The following AGBL4 variants were observed in gnomAD, a reference collection of about 807,000 sequenced individuals.
The protein encoded by AGBL4 is AGBL carboxypeptidase 4.
In AGBL4, 58 loss-of-function variants were observed where a neutral mutation model predicts 66.4. The ratio of observed to expected loss-of-function variants is 0.87; its 90% CI spans 0.71 to 1.09. AGBL4 has a LOEUF of 1.09. Among genes scored for constraint, AGBL4 ranks in the 50% least tolerant of loss-of-function variants. The probability of loss-of-function intolerance (pLI) is 0.00; values close to 1 mark genes in which losing one functional copy is unlikely to be tolerated. For synonymous variants in AGBL4, 234 were observed against 222.9 expected (o/e 1.05, Z -0.44); for missense variants, 579 against 631.0 (o/e 0.92, Z 0.88).
intron 4 of AGBL4, among the ~76,000 whole-genome samples, chr1:49,214,769 G>GA (rs1454549657): frequency 6.6e-6 from 1 of 152,044 alleles, no homozygotes; most frequent in Admixed American, 6.6e-5. Flanking sequence ...CTCCTGTTTA[G>GA]AAAAAAGATT....
At chr1:49,746,757 T>TA (rs1252301891) in intron 2 of AGBL4, among the ~76,000 whole-genome samples, 19 of 152,110 alleles carry the variant, frequency 1.2e-4, no homozygotes, top group Non-Finnish European at 2.1e-4. Context: ...TCCTTTGGAC[T>TA]AGAAACATAC....
intron 3 of AGBL4, among the ~76,000 whole-genome samples, chr1:49,331,713 T>C (rs911671955): frequency 6.6e-6 from 1 of 151,880 alleles, no homozygotes; most frequent in Non-Finnish European, 1.5e-5. Context: ...TTTGGATGAC[T>C]CAACCAGACT....
At chr1:48,659,487 C>T (rs1646072924) in intron 7 of AGBL4, among the ~76,000 whole-genome samples, 1 of 152,140 alleles carries the variant, frequency 6.6e-6, no homozygotes, top group South Asian at 2.1e-4. Flanking sequence ...CTGGAGAGGA[C>T]AAAGTACTCT....
At chr1:49,761,209 A>G (rs886947565) in intron 2 of AGBL4, among the ~76,000 whole-genome samples, 2 of 152,018 alleles carry the variant, frequency 1.3e-5, no homozygotes, top group East Asian at 3.9e-4. Flanking sequence ...TAAAAAATGT[A>G]TGAACAAAAG....
intron 1 of AGBL4, among the ~76,000 whole-genome samples, chr1:50,019,306 T>TCTCTCACACACACACACACACA (rs1167835143): frequency 4.1e-5 from 2 of 48,432 alleles, no homozygotes; most frequent in Non-Finnish European, 7.4e-5. Flanking sequence ...TCTCTCTCTC[T>TCTCTCACACACACACACACACA]CACACACACA....
At chr1:49,479,914 A>G (rs1646921631) in intron 3 of AGBL4, among the ~76,000 whole-genome samples, 2 of 151,546 alleles carry the variant, frequency 1.3e-5, no homozygotes, top group Admixed American at 1.3e-4. Context: ...TCACTGTGTT[A>G]GCCAGGATGG....
At chr1:48,655,607 T>A (rs1244404273) in intron 7 of AGBL4, among the ~76,000 whole-genome samples, 3 of 152,208 alleles carry the variant, frequency 2.0e-5, no homozygotes, top group Non-Finnish European at 4.4e-5. Flanking sequence ...AGAGATCCTG[T>A]GTTAGCTGCC....
At chr1:48,538,871 G>C (rs1255380554) in intron 12 of AGBL4, among the ~76,000 whole-genome samples, 2 of 152,194 alleles carry the variant, frequency 1.3e-5, no homozygotes, top group Non-Finnish European at 2.9e-5. Context: ...GTTGGGCATT[G>C]TCATGTCCTT....
chr1:49,774,941 C>A (rs550667642), intron 2 of AGBL4, among the ~76,000 whole-genome samples: 5 of 152,074 alleles, frequency 3.3e-5, no homozygotes, highest in South Asian at 2.1e-4. Context: ...ATTTAAATAT[C>A]TTTTATAATA....
At chr1:48,940,675 T>G (rs1391624607) in intron 5 of AGBL4, among the ~76,000 whole-genome samples, 2 of 152,192 alleles carry the variant, frequency 1.3e-5, no homozygotes, top group African/African-American at 4.8e-5. Flanking sequence ...GTGCTTATGA[T>G]GAGTGAAGCT....
intron 5 of AGBL4, among the ~76,000 whole-genome samples, chr1:48,884,980 A>T (rs1205871347): frequency 0.052 from 31 of 596 alleles, 1 homozygote; most frequent in East Asian, 0.33. Context: ...GGCAGATTTA[A>T]AAAAAAAAAA....
intron 3 of AGBL4, among the ~76,000 whole-genome samples, chr1:49,673,858 GAGA>G (rs752194581): frequency 3.3e-5 from 5 of 151,938 alleles, no homozygotes; most frequent in Non-Finnish European, 7.4e-5. Flanking sequence ...GGGGATGCTG[GAGA>G]AGAAGTGCCT....
At chr1:49,874,009 T>C (rs905287025) in intron 1 of AGBL4, among the ~76,000 whole-genome samples, 1 of 151,974 alleles carries the variant, frequency 6.6e-6, no homozygotes, top group African/African-American at 2.4e-5. Context: ...ACACCAAAAA[T>C]AGCATGGACA....
chr1:49,795,420 G>A (rs1644705319), intron 2 of AGBL4, among the ~76,000 whole-genome samples: 1 of 151,908 alleles, frequency 6.6e-6, no homozygotes, highest in African/African-American at 2.4e-5. Flanking sequence ...ACTGAAATAT[G>A]TATCTAGCAA....
chr1:48,761,394 T>C, intron 6 of AGBL4: 1 of 1,551,804 alleles, frequency 6.4e-7, no homozygotes. Flanking sequence ...CTCCATCTTC[T>C]TCTACATGAT....
intron 5 of AGBL4, among the ~76,000 whole-genome samples, chr1:49,023,134 T>C (rs1410014244): frequency 1.3e-5 from 2 of 152,198 alleles, no homozygotes; most frequent in East Asian, 3.9e-4. Flanking sequence ...ACTTACCTGG[T>C]CATCCTTACT....
intron 5 of AGBL4, among the ~76,000 whole-genome samples, chr1:48,910,515 GC>G (rs1406771145): frequency 6.6e-6 from 1 of 151,954 alleles, no homozygotes; most frequent in Admixed American, 6.6e-5. Flanking sequence ...AAATATGCAG[GC>G]CCCCCAAGAG....
intron 3 of AGBL4, 37 bp downstream of exon 3, chr1:49,697,276 C>A (rs1647004145): frequency 1.3e-6 from 2 of 1,516,416 alleles, no homozygotes; most frequent in Non-Finnish European, 1.8e-6. Context: ...ATTATTCTTA[C>A]CAAAACCACT....
rs182340162 is a variant in AGBL4 at position 48,704,509 on chromosome 1, T to C, written c.635-41268A>G. Among the ~76,000 whole-genome samples the C allele has an allele frequency of 1.6e-3, 251 of 152,356 alleles. 1 individual carries two copies. Among genetic ancestry groups the C allele is most frequent in the African/African-American group, 5.8e-3 (240 of 41,584 alleles). On this transcript the variant is annotated intron_variant, in intron 6 of 13. Coordinates refer to ENST00000371839, the MANE Select transcript of AGBL4 (RefSeq NM_032785.4). ...AACACATTGTACTCCTGTACAAAAATACTTTCTTTATATCCTTATTCTATA... is the reference window on the plus strand; with the variant it reads ...AACACATTGTACTCCTGTACAAAAACACTTTCTTTATATCCTTATTCTATA...
Sources: allele counts gnomAD v4.1 joint callset (sites outside exome capture counted in the v4.1 genomes callset), GRCh38; gene constraint gnomAD v4.1.1; transcripts MANE v1.5; gene names NCBI Gene and HGNC (gene_info 2026-07-23, HGNC 2026-07-21).